ANK3: variants seen among roughly 807,000 people sequenced by gnomAD.
The protein encoded by ANK3 is ankyrin-3.
A neutral mutation model predicts 370.9 loss-of-function variants in ANK3; 57 were observed. The ratio of observed to expected loss-of-function variants is 0.15; its 90% CI spans 0.12 to 0.19. The LOEUF is 0.19. Among genes scored for constraint, ANK3 ranks in the 10% least tolerant of loss-of-function variants. ANK3 has a pLI of 1.00. For synonymous variants in ANK3, 1,929 were observed against 1,946.3 expected (o/e 0.99, Z 0.23); for missense variants, 4,439 against 5,302.1 (o/e 0.84, Z 5.06).
intron 2 of ANK3, chr10:60,507,686 C>G (rs1450037758): frequency 6.6e-6 from 1 of 151,892 alleles, no homozygotes; most frequent in Non-Finnish European, 1.5e-5. Context: ...AAATAGCCAA[C>G]TAGTAAATTA....
rs756434056 is a variant in ANK3 at position 60,069,095 on chromosome 10, G to C, written c.11786C>G (p.Ala3929Gly). 1.5e-5 allele frequency: 24 copies of C among 1,613,970 alleles called. No homozygotes were observed. The highest frequency in any genetic ancestry group is 1.7e-5 in the Admixed American group (1 of 59,986). ...HRDNIIAVRK[A>G]CATQKQGQPE... ...CTGCCCTTGCTTTTGTGTGGCACATGCTTTTCTAACTGCAATTATGTTATC... is the reference window on the plus strand; with the variant it reads ...CTGCCCTTGCTTTTGTGTGGCACATCCTTTTCTAACTGCAATTATGTTATC... The change falls in exon 37 of 44, where the codon GCA becomes GGA. Residue 3929 changes from alanine (A) to glycine (G), a missense_variant. By Grantham distance (60) the Ala-to-Gly change is moderately conservative. This residue lies in a region of ANK3 where 496 missense variants were observed against 529.3 expected (regional missense o/e 0.94). Coordinates refer to ENST00000280772, the MANE Select transcript of ANK3 (RefSeq NM_020987.5).
chr10:60,728,388 C>T (rs1390195778), intron 1 of ANK3, among the ~76,000 whole-genome samples: 1 of 152,022 alleles, frequency 6.6e-6, no homozygotes, highest in Non-Finnish European at 1.5e-5. Flanking sequence ...GTAGGGAGCA[C>T]AATTGCTTTA....
Position 60,528,577 on chromosome 10 carries a change from T to C in ANK3, c.96+86609A>G, listed in dbSNP as rs140903680. On this transcript the variant is annotated intron_variant, in intron 2 of 43. Coordinates refer to the ANK3 transcript ENST00000373827. ...CAGTTTTATACGGCTCAGCCTAATA[T>C]GTATTATTAAAAATTATATGCATTT... Among the ~76,000 whole-genome samples the C allele has an allele frequency of 4.7e-4, 72 of 152,288 alleles. 1 individual carries two copies. The highest frequency in any genetic ancestry group is 1.6e-3 in the African/African-American group (66 of 41,568).
chr10:60,071,441 C>T lies in ANK3; in HGVS notation c.9440G>A (p.Ser3147Asn). 1 of 1,614,072 alleles carries T rather than the reference C, an allele frequency of 6.2e-7. No homozygotes were observed. The highest frequency in any genetic ancestry group is 1.1e-5 in the South Asian group (1 of 91,076). ...QQKQPPSPQG[S>N]PEDDTLEQVS... The stretch of plus-strand genomic sequence containing the variant: ...TTGCTCTAGAGTATCATCTTCTGGA[C>T]TACCTTGGGGAGAAGGAGGTTGCTT... The change falls in exon 37 of 44, where the codon AGT becomes AAT. Residue 3147 changes from serine (S) to asparagine (N), a missense_variant. Around this residue, in one of 13 missense-constraint regions of ANK3, gnomAD observed 1,601 missense variants for 1,731.7 expected, o/e 0.92. Transcript: ENST00000280772.
Position 60,099,384 on chromosome 10 carries a change from C to A in ANK3, c.3328+6521G>T, listed in dbSNP as rs140274955. ...GCTGTCAACAAGTCAGAGTTGGTCT[C>A]TGCCCTCTTGGACTTTTGCAGTGCA... On this transcript the variant is annotated intron_variant, in intron 28 of 43. Transcript: ENST00000280772. Among the ~76,000 whole-genome samples, 253 of 152,332 alleles carry A rather than the reference C, an allele frequency of 1.7e-3. No homozygotes were observed. The Middle Eastern group carries it at 0.024, about 14-fold the overall frequency.
At chr10:60,179,997 GTC>G (rs745311675) in intron 18 of ANK3, among the ~76,000 whole-genome samples, 2 of 150,276 alleles carry the variant, frequency 1.3e-5, no homozygotes, top group Admixed American at 6.6e-5. Flanking sequence ...GTTTAAGTCT[GTC>G]TCTCTCTCTC....
intron 8 of ANK3, among the ~76,000 whole-genome samples, chr10:60,227,114 G>A (rs1275959692): frequency 1.3e-5 from 2 of 151,554 alleles, no homozygotes; most frequent in East Asian, 1.9e-4. Context: ...GTCAGCTTTC[G>A]CTTGTATGAA....
intron 1 of ANK3, among the ~76,000 whole-genome samples, chr10:60,326,889 G>A (rs1039674223): frequency 4.9e-5 from 7 of 142,452 alleles, no homozygotes; most frequent in African/African-American, 1.6e-4. Context: ...GGTGCGGTGC[G>A]GGCGCCTTTA....
At position 60,444,604 on chromosome 10, in the gene ANK3, A is replaced by G. The variant is rs1595048092; in HGVS notation, c.97-164965T>C. Among the ~76,000 whole-genome samples the G allele has an allele frequency of 3.9e-5, 6 of 152,228 alleles. No individual in the cohort carries two copies. In the South Asian group the frequency reaches 1.0e-3, roughly 26 times the overall value. On this transcript the variant is annotated intron_variant, in intron 2 of 43. Transcript: ENST00000373827. ...AGCCATAAATCCTTTCATCTAAAAT[A>G]CAAGGCTTTCCATCTCCACAGTGTT...
At chr10:60,428,556 G>A (rs2063942248) in intron 2 of ANK3, among the ~76,000 whole-genome samples, 3 of 152,180 alleles carry the variant, frequency 2.0e-5, no homozygotes, top group African/African-American at 4.8e-5. Context: ...GGGACGTAAG[G>A]CAGACGCCAC....
intron 25 of ANK3, among the ~76,000 whole-genome samples, chr10:60,119,492 G>C (rs559938421): frequency 6.6e-6 from 1 of 152,172 alleles, no homozygotes; most frequent in Non-Finnish European, 1.5e-5. Flanking sequence ...GGCCAGGTGC[G>C]GTGGTGGCTC....
In ANK3 at chr10:60,196,453, T is replaced by C; in HGVS notation, c.1788+74A>G. On this transcript the variant is annotated intron_variant, in intron 15 of 43. Transcript: ENST00000280772. ...TATTTAGTTATAATTTGAGTGGCTATTAGTGAATATTAGCAAGGGTGTATT... is the reference window on the plus strand; with the variant it reads ...TATTTAGTTATAATTTGAGTGGCTACTAGTGAATATTAGCAAGGGTGTATT... 3 of 1,048,702 alleles carry C rather than the reference T, an allele frequency of 2.9e-6. No homozygotes were observed. The South Asian group carries it at 4.1e-5, about 14-fold the overall frequency. The allele number at this position is 1,048,702 out of a possible 1,614,324, so 65.0% of individuals were successfully genotyped here. A position where few individuals can be genotyped will look rare whatever the true frequency, so the allele number is the denominator to read the frequency against.
At chr10:60,637,339 C>T (rs367721737) in intron 1 of ANK3, among the ~76,000 whole-genome samples, 1 of 152,112 alleles carries the variant, frequency 6.6e-6, no homozygotes, top group African/African-American at 2.4e-5. Context: ...TGGCAATGGA[C>T]GTTGCATAGC....
upstream of ANK3, among the ~76,000 whole-genome samples, chr10:60,394,534 C>A (rs1479028263): frequency 6.6e-6 from 1 of 152,108 alleles, no homozygotes; most frequent in East Asian, 1.9e-4. Flanking sequence ...CCCAAGCATG[C>A]CAGCTGCCTC....
intron 1 of ANK3, among the ~76,000 whole-genome samples, chr10:60,367,124 G>A (rs1016034200): frequency 1.3e-5 from 2 of 152,122 alleles, no homozygotes; most frequent in Non-Finnish European, 2.9e-5. Context: ...AAGTCTTCAG[G>A]GAGAGACAAG....
chr10:60,660,507 G>A (rs559776724), intron 1 of ANK3, among the ~76,000 whole-genome samples: 1 of 152,170 alleles, frequency 6.6e-6, no homozygotes, highest in African/African-American at 2.4e-5. Flanking sequence ...GATCCAAGTT[G>A]CCCCTGTTGT....
chr10:60,052,709 T>C (rs10509118), intron 42 of ANK3, among the ~76,000 whole-genome samples: 8,291 of 152,278 alleles, frequency 0.054, 283 homozygotes, highest in Middle Eastern at 0.12. Flanking sequence ...TTCTAAATTT[T>C]AATGGTGGAA....
chr10:60,148,869 C>T (rs2094951360), intron 23 of ANK3, among the ~76,000 whole-genome samples: 1 of 152,192 alleles, frequency 6.6e-6, no homozygotes, highest in Non-Finnish European at 1.5e-5. Context: ...ATCATGACAG[C>T]TGATTTGTCC....
At chr10:60,394,047 G>A (rs1045132164), upstream of ANK3, among the ~76,000 whole-genome samples, 2 of 151,340 alleles carry the variant, frequency 1.3e-5, no homozygotes, top group African/African-American at 2.4e-5. Flanking sequence ...ACGACTTCAT[G>A]CTGCACCCAC....
Sources: gnomAD v4.1 joint callset for allele counts (sites outside exome capture counted in the v4.1 genomes callset) on GRCh38, gnomAD v4.1.1 for gene constraint, gnomAD v4.1.1 regional missense constraint, MANE v1.5 for transcripts, NCBI Gene and HGNC (gene_info 2026-07-23, HGNC 2026-07-21) for gene names.